PPP1R9A: variants seen among roughly 807,000 people sequenced by gnomAD.
The protein encoded by PPP1R9A is neurabin-1.
In PPP1R9A, 59 loss-of-function variants were observed where a neutral mutation model predicts 141.9. The observed-to-expected ratio is 0.42, with a 90% confidence interval of 0.34 to 0.52. The LOEUF is 0.52. Ranked by LOEUF, PPP1R9A falls within the 20% of genes least tolerant of loss-of-function variation. PPP1R9A has a pLI of 0.10. For synonymous variants in PPP1R9A, 500 were observed against 569.7 expected (o/e 0.88, Z 1.74); for missense variants, 1,444 against 1,611.9 (o/e 0.90, Z 1.78).
chr7:95,037,704 C>CGTGT (rs201610388), intron 2 of PPP1R9A, among the ~76,000 whole-genome samples: 1 of 151,932 alleles, frequency 6.6e-6, no homozygotes, highest in Non-Finnish European at 1.5e-5. Context: ...TGTGTGCGTG[C>CGTGT]GCGCGTGTGT....
At chr7:95,020,192 C>T (rs1232703042) in intron 2 of PPP1R9A, among the ~76,000 whole-genome samples, 1 of 151,952 alleles carries the variant, frequency 6.6e-6, no homozygotes, top group African/African-American at 2.4e-5. Context: ...TAAAGCAGAT[C>T]AATGTTACCT....
rs1435207441 is a variant in PPP1R9A, at chr7:95,290,165, G to C, written c.3987G>C (p.Glu1329Asp). Reference protein sequence around the residue: ...KKLKEMKMSLEKARKAQEKME... With the variant: ...KKLKEMKMSLDKARKAQEKME... ...TCAAGGAAATGAAGATGTCTCTAGA[G>C]AAGGCTCGGAAGGCCCAAGAGAAAA... The change falls in exon 20 of 20, where the codon GAG (glutamate) becomes GAC (aspartate). Residue 1329 changes from glutamate to aspartate, a missense_variant. Physicochemically the swap from Glu to Asp is conservative, Grantham distance 45. Coordinates refer to ENST00000433360, the MANE Select transcript of PPP1R9A (RefSeq NM_001166160.2). 1.2e-6 allele frequency: 2 copies of C among 1,613,926 alleles called. No homozygotes were observed. The highest frequency in any genetic ancestry group is 2.7e-5 in the African/African-American group (2 of 74,910).
intron 2 of PPP1R9A, among the ~76,000 whole-genome samples, chr7:94,979,802 G>T (rs1461334373): frequency 6.6e-6 from 1 of 152,164 alleles, no homozygotes; most frequent in Non-Finnish European, 1.5e-5. Context: ...TTAAAATAGT[G>T]AAAGCCAAAT....
chr7:94,981,243 A>AT lies in PPP1R9A; in HGVS notation c.1395+69743dup, dbSNP rs552852879. 3.5e-3 allele frequency among the ~76,000 whole-genome samples: 538 copies of AT among 151,654 alleles called. 5 individuals are homozygous for AT. Among genetic ancestry groups the AT allele is most frequent in the African/African-American group, 0.012 (512 of 41,338 alleles). On this transcript the variant is annotated intron_variant, in intron 2 of 19. Transcript: ENST00000433360. ...GGGGGCCCAGTGTACTTATTTATTT[A>AT]TTTTTTTTGAGACACAGTCTCACTC...
chr7:95,119,792 T>C (rs1822199098), intron 3 of PPP1R9A, among the ~76,000 whole-genome samples: 1 of 151,574 alleles, frequency 6.6e-6, no homozygotes, highest in Admixed American at 6.6e-5. Context: ...TAAAGAGAAG[T>C]AGGTATAATC....
rs759995476 is a variant in PPP1R9A at position 95,013,411 on chromosome 7, C to T, written c.1396-97848C>T. Among the ~76,000 whole-genome samples, 23 of 152,012 alleles carry T rather than the reference C, an allele frequency of 1.5e-4. 1 individual carries two copies. Among genetic ancestry groups the T allele is most frequent in the Middle Eastern group, 3.4e-3 (1 of 294 alleles). The stretch of plus-strand genomic sequence containing the variant: ...CATATTCCTTAAATAGTTTTTGTTC[C>T]ATGGACTATCATTTTTTATTATATA... On this transcript the variant is annotated intron_variant, in intron 2 of 19. Coordinates refer to ENST00000433360, the MANE Select transcript of PPP1R9A (RefSeq NM_001166160.2).
intron 5 of PPP1R9A, among the ~76,000 whole-genome samples, chr7:95,177,217 C>T (rs1475803746): frequency 6.6e-6 from 1 of 151,984 alleles, no homozygotes; most frequent in Non-Finnish European, 1.5e-5. Context: ...CAATCTTGAG[C>T]CTCCTCAAAC....
At chr7:95,208,411 T>C (rs1280712278) in intron 7 of PPP1R9A, among the ~76,000 whole-genome samples, 1 of 152,164 alleles carries the variant, frequency 6.6e-6, no homozygotes. Context: ...AAGAATGCCT[T>C]TATGACCTCA....
At chr7:95,052,730 T>G (rs746128181) in intron 2 of PPP1R9A, among the ~76,000 whole-genome samples, 5 of 152,194 alleles carry the variant, frequency 3.3e-5, no homozygotes, top group Non-Finnish European at 5.9e-5. Flanking sequence ...CAAAGCCAGA[T>G]TTTTCTTCTG....
chr7:95,169,023 C>T (rs1268308602), intron 5 of PPP1R9A, among the ~76,000 whole-genome samples: 2 of 151,850 alleles, frequency 1.3e-5, no homozygotes. Flanking sequence ...ATCCAGCAGT[C>T]CTGCTACTAA....
intron 4 of PPP1R9A, among the ~76,000 whole-genome samples, chr7:95,126,346 G>A (rs1823559601): frequency 6.6e-6 from 1 of 152,054 alleles, no homozygotes; most frequent in South Asian, 2.1e-4. Context: ...TCCAATTTAT[G>A]TATTTTCATT....
chr7:94,947,112 A>G (rs1795978131), intron 2 of PPP1R9A, among the ~76,000 whole-genome samples: 1 of 152,120 alleles, frequency 6.6e-6, no homozygotes, highest in Admixed American at 6.6e-5. Context: ...CTTTTAAGTG[A>G]AAGTTGTTAC....
intron 2 of PPP1R9A, among the ~76,000 whole-genome samples, chr7:94,911,724 A>G (rs890183601): frequency 4.6e-5 from 7 of 152,190 alleles, no homozygotes; most frequent in African/African-American, 1.2e-4. Context: ...GCATACATCA[A>G]TAGTGAGTAA....
chr7:95,168,523 G>GA (rs58105470), intron 5 of PPP1R9A, among the ~76,000 whole-genome samples: 19 of 148,286 alleles, frequency 1.3e-4, no homozygotes, highest in African/African-American at 3.2e-4. Context: ...CACAGGCAAT[G>GA]AAAAAAAAAA....
chr7:95,291,638 T>C lies in PPP1R9A; in HGVS notation c.*1335T>C, dbSNP rs1366793046. The stretch of plus-strand genomic sequence containing the variant: ...TTTGAGAAATTTCATGTGATGAGGG[T>C]TTTTTGTTTTTTATGCTCATGTATC... On this transcript the variant is annotated 3_prime_UTR_variant, in exon 20 of 20. Transcript: ENST00000433360. 39 of 151,992 alleles carry C rather than the reference T, an allele frequency of 2.6e-4. No individual in the cohort carries two copies. Among genetic ancestry groups the C allele is most frequent in the Admixed American group, 2.6e-3 (39 of 15,256 alleles). 9.4% of individuals were successfully genotyped at this position (151,992 alleles called of 1,614,324 possible). A position where few individuals can be genotyped will look rare whatever the true frequency, so the allele number is the denominator to read the frequency against.
chr7:95,228,014 A>G (rs1795382403), intron 8 of PPP1R9A, among the ~76,000 whole-genome samples: 2 of 152,106 alleles, frequency 1.3e-5, no homozygotes, highest in Non-Finnish European at 2.9e-5. Flanking sequence ...TCTTTATGTG[A>G]TTAATATACA....
At chr7:95,121,254 A>G (rs925487981) in intron 4 of PPP1R9A, among the ~76,000 whole-genome samples, 3 of 152,174 alleles carry the variant, frequency 2.0e-5, no homozygotes, top group Non-Finnish European at 4.4e-5. Context: ...TATTGATGGT[A>G]ATTCTGAAGG....
At chr7:95,136,129 C>T (rs1398143661) in intron 4 of PPP1R9A, among the ~76,000 whole-genome samples, 2 of 152,036 alleles carry the variant, frequency 1.3e-5, no homozygotes, top group African/African-American at 2.4e-5. Context: ...ATATTGAGTA[C>T]TTGTTAATTC....
chr7:95,213,774 T>G (rs1792669138), intron 7 of PPP1R9A, among the ~76,000 whole-genome samples: 1 of 152,202 alleles, frequency 6.6e-6, no homozygotes, highest in African/African-American at 2.4e-5. Flanking sequence ...AATTCCTTTC[T>G]GTTTAATAGT....
Sources: allele counts gnomAD v4.1 joint callset (sites outside exome capture counted in the v4.1 genomes callset), GRCh38; gene constraint gnomAD v4.1.1; transcripts MANE v1.5; gene names NCBI Gene and HGNC (gene_info 2026-07-23, HGNC 2026-07-21).